The following STRIP1 variants were observed in gnomAD, a reference collection of about 807,000 sequenced individuals.
STRIP1 encodes the protein striatin interacting protein 1.
In STRIP1, 63 loss-of-function variants were observed where a neutral mutation model predicts 106.2. The observed-to-expected ratio is 0.59, with a 90% CI of 0.48 to 0.73. The LOEUF (loss-of-function observed/expected upper bound fraction) is 0.73, where lower values mean the gene tolerates loss of function less well. Among genes scored for constraint, STRIP1 ranks in the 30% least tolerant of loss-of-function variants. The pLI is 0.00. For synonymous variants in STRIP1, 390 were observed against 413.0 expected (o/e 0.94, Z 0.67); for missense variants, 857 against 1,074.8 (o/e 0.80, Z 2.83).
In STRIP1 at chr1:110,049,218, A is replaced by C; in HGVS notation, c.1768A>C (p.Lys590Gln). The change falls in exon 16 of 21, where the codon AAG (lysine) becomes CAG (glutamine). Residue 590 changes from lysine to glutamine, a missense_variant. Coordinates refer to ENST00000369795, the MANE Select transcript of STRIP1 (RefSeq NM_033088.4). Reference sequence around the variant, plus strand: ...CCTGCTGCTGCTGCTCAAGCACTTTAAGTTGAACCATGTCTACCAGGTACC... The same window carrying C: ...CCTGCTGCTGCTGCTCAAGCACTTTCAGTTGAACCATGTCTACCAGGTACC... ...AVLLLLLKHFKLNHVYQFEYM... is the reference protein window; with the variant it reads ...AVLLLLLKHFQLNHVYQFEYM... The C allele has an allele frequency of 6.2e-7, 1 of 1,614,122 alleles. No individual in the cohort carries two copies. The highest frequency in any genetic ancestry group is 8.5e-7 in the Non-Finnish European group (1 of 1,180,018).
chr1:110,035,409 C>T (rs1047167042), intron 1 of STRIP1, among the ~76,000 whole-genome samples: 1 of 152,174 alleles, frequency 6.6e-6, no homozygotes, highest in Non-Finnish European at 1.5e-5. Flanking sequence ...TTAACAGTAC[C>T]TGTGGTGGGC....
chr1:110,050,460 G>T (rs545710448), intron 18 of STRIP1, 51 bp downstream of exon 18: 1 of 1,544,688 alleles, frequency 6.5e-7, no homozygotes, highest in East Asian at 2.3e-5. Context: ...GGGTCAGTGG[G>T]TAGAGAGCCT....
Position 110,047,513 on chromosome 1 carries a change from T to A in STRIP1, c.1489-29T>A, listed in dbSNP as rs200978017. 447 of 1,586,320 alleles carry A rather than the reference T, an allele frequency of 2.8e-4. No homozygotes were observed. In the African/African-American group the frequency reaches 3.2e-3, roughly 11 times the overall value. On this transcript the variant is annotated intron_variant, in intron 13 of 20. Coordinates refer to ENST00000369795, the MANE Select transcript of STRIP1 (RefSeq NM_033088.4). ...CAGGAGATTGTATTCTGGGCTGGGG[T>A]TTTATGCTTGTACTCATTATGTTAA...
rs879804966 is a variant in STRIP1, at chr1:110,041,482, G to A, written c.651-54G>A. 1.2e-4 allele frequency: 155 copies of A among 1,279,434 alleles called. 1 individual carries two copies. The highest frequency in any genetic ancestry group is 1.5e-4 in the Non-Finnish European group (132 of 878,548). 79.3% of individuals were successfully genotyped at this position (1,279,434 alleles called of 1,614,324 possible). A position where few individuals can be genotyped will look rare whatever the true frequency, so the allele number is the denominator to read the frequency against. On this transcript the variant is annotated intron_variant, in intron 6 of 20. Transcript: ENST00000369795. Reference sequence around the variant, plus strand: ...TGTAAGCACTTTGTTAGACACTAGGGTGCTCCTTTGACCCCCCCATCCCAC... The same window carrying A: ...TGTAAGCACTTTGTTAGACACTAGGATGCTCCTTTGACCCCCCCATCCCAC...
At position 110,051,891 on chromosome 1, in the gene STRIP1, A is replaced by G. The variant is rs745954725; in HGVS notation, c.2266+4A>G. On this transcript the variant is annotated splice_donor_region_variant and intron_variant, in intron 20 of 20. Coordinates refer to ENST00000369795, the MANE Select transcript of STRIP1 (RefSeq NM_033088.4). Reference sequence around the variant, plus strand: ...GACGACTGGGCATACGGCAATGGTGAGACTCTGCACTCAGCCAGATTTGGG... The same window carrying G: ...GACGACTGGGCATACGGCAATGGTGGGACTCTGCACTCAGCCAGATTTGGG... The G allele has an allele frequency of 6.2e-7, 1 of 1,611,906 alleles. No homozygotes were observed. The highest frequency in any genetic ancestry group is 1.1e-5 in the South Asian group (1 of 90,988).
At chr1:110,034,868 G>A (rs1201998083) in intron 1 of STRIP1, 51 bp downstream of exon 1, 39 of 1,375,448 alleles carry the variant, frequency 2.8e-5, no homozygotes, top group Non-Finnish European at 3.6e-5. Context: ...GGCGCCGGGG[G>A]TCCCGGGCCC....
intron 19 of STRIP1, among the ~76,000 whole-genome samples, chr1:110,051,443 GCTTT>G (rs1255353853): frequency 6.6e-6 from 1 of 152,170 alleles, no homozygotes; most frequent in Non-Finnish European, 1.5e-5. Flanking sequence ...GGAATCCATA[GCTTT>G]CTTCAGATTC....
chr1:110,043,184 A>G lies in STRIP1; in HGVS notation c.982A>G (p.Ile328Val), dbSNP rs760492305. 3 of 1,614,048 alleles carry G rather than the reference A, an allele frequency of 1.9e-6. No individual in the cohort carries two copies. In the Admixed American group the frequency reaches 5.0e-5, roughly 27 times the overall value. Residue 328 changes from isoleucine (I) to valine (V), a missense_variant, in exon 9 of 21, where the codon ATT becomes GTT. This residue lies in a region of STRIP1 where 750 missense variants were observed against 989.8 expected (regional missense o/e 0.76). Coordinates refer to ENST00000369795, the MANE Select transcript of STRIP1 (RefSeq NM_033088.4). ...GCTTCCTGAGGACAGCATCAAAGTG[A>G]TTCGCAACATGAGAGCAGCCTCTCC... is the stretch of plus-strand genomic sequence containing the variant. ...PPLPEDSIKV[I>V]RNMRAASPPA...
intron 17 of STRIP1, 96 bp downstream of exon 17, chr1:110,049,656 G>C (rs1000182198): frequency 2.4e-6 from 2 of 826,552 alleles, no homozygotes; most frequent in Non-Finnish European, 4.0e-6. Context: ...CAGCACCTAC[G>C]AGCCAGCACT....
In STRIP1 at chr1:110,049,044, T is replaced by C. The variant is rs569094839; in HGVS notation, c.1662-68T>C. ...CCCAGGGAGGCTCCGGAGTCCATCT[T>C]TTCTGTGGGCACCTAGAAATGAGGT... On this transcript the variant is annotated intron_variant, in intron 15 of 20. Transcript: ENST00000369795. 98 of 1,601,110 alleles carry C rather than the reference T, an allele frequency of 6.1e-5. No homozygotes were observed. In the East Asian group the frequency reaches 2.1e-3, roughly 34 times the overall value.
In STRIP1 at chr1:110,043,089, G is replaced by A. The variant is rs778606874; in HGVS notation, c.887G>A (p.Cys296Tyr). Residue 296 changes from cysteine (C) to tyrosine (Y), a missense_variant and splice_region_variant, in exon 9 of 21, where the codon TGC becomes TAC. Physicochemically the swap from Cys to Tyr is radical, Grantham distance 194. Around this residue, in one of 2 missense-constraint regions of STRIP1, gnomAD observed 750 missense variants for 989.8 expected, o/e 0.76. Transcript: ENST00000369795. ...VLLLLWKTVLCTLGGFEELQS... is the reference protein window; with the variant it reads ...VLLLLWKTVLYTLGGFEELQS... ...TCTGCTTCCCTGTCTGTGATGCAGT[G>A]CACGCTAGGCGGCTTTGAGGAGCTG... 2 of 1,609,942 alleles carry A rather than the reference G, an allele frequency of 1.2e-6. No individual in the cohort carries two copies. Among genetic ancestry groups the A allele is most frequent in the East Asian group, 2.2e-5 (1 of 44,782 alleles).
At chr1:110,050,549 T>C (rs1653246473) in intron 18 of STRIP1, 140 bp downstream of exon 18, 1 of 800,508 alleles carries the variant, frequency 1.2e-6, no homozygotes, top group East Asian at 2.7e-5. Flanking sequence ...TAAAGCACTG[T>C]AAGTGTACAG....
In STRIP1 at chr1:110,047,467, C is replaced by T; in HGVS notation, c.1489-75C>T. ...ACATCACTGTTTACAGGTTTTCCTC[C>T]AGCCAGCTAGGAAGCTGGCTCAGGA... On this transcript the variant is annotated intron_variant, in intron 13 of 20. Transcript: ENST00000369795. 1.9e-5 allele frequency: 24 copies of T among 1,231,070 alleles called. 1 individual carries two copies. The South Asian group carries it at 3.1e-4, about 16-fold the overall frequency. The allele number at this position is 1,231,070 out of a possible 1,614,324, so 76.3% of individuals were successfully genotyped here. A position where few individuals can be genotyped will look rare whatever the true frequency, so the allele number is the denominator to read the frequency against.
Position 110,049,186 on chromosome 1 carries a change from C to G in STRIP1, c.1736C>G (p.Ser579Cys). The G allele has an allele frequency of 1.2e-6, 2 of 1,614,224 alleles. No individual in the cohort carries two copies. Among genetic ancestry groups the G allele is most frequent in the Middle Eastern group, 1.6e-4 (1 of 6,062 alleles). ...AAAGAGGTCATTGTTAAGGCCATTT[C>G]TGCTGTCCTGCTGCTGCTGCTCAAG... Reference protein sequence around the residue: ...RHKEVIVKAISAVLLLLLKHF... With the variant: ...RHKEVIVKAICAVLLLLLKHF... The change falls in exon 16 of 21, where the codon TCT (serine) becomes TGT (cysteine). Residue 579 changes from serine (S) to cysteine (C), a missense_variant. Ser to Cys is a moderately radical substitution (Grantham distance 112). Around this residue, in one of 2 missense-constraint regions of STRIP1, gnomAD observed 750 missense variants for 989.8 expected, o/e 0.76. Coordinates refer to ENST00000369795, the MANE Select transcript of STRIP1 (RefSeq NM_033088.4).
upstream of STRIP1, chr1:110,034,512 A>C: frequency 8.3e-7 from 1 of 1,201,176 alleles, no homozygotes; most frequent in Non-Finnish European, 1.1e-6. Flanking sequence ...TGGTCAGCCA[A>C]GATGGCTTCT....
intron 15 of STRIP1, among the ~76,000 whole-genome samples, chr1:110,048,772 C>G (rs1043558625): frequency 6.6e-6 from 1 of 152,168 alleles, no homozygotes; most frequent in Admixed American, 6.5e-5. Flanking sequence ...TGCCAATATC[C>G]TGGTATTCCA....
At chr1:110,036,727 A>G (rs1165945561) in intron 1 of STRIP1, among the ~76,000 whole-genome samples, 2 of 152,252 alleles carry the variant, frequency 1.3e-5, no homozygotes, top group African/African-American at 2.4e-5. Flanking sequence ...TTGCCATTCA[A>G]TGAATGAAGA....
chr1:110,039,613 G>C, intron 5 of STRIP1, 98 bp downstream of exon 5: 3 of 1,395,950 alleles, frequency 2.1e-6, no homozygotes, highest in Non-Finnish European at 2.9e-6. Context: ...GTTAAATGGG[G>C]CAGAAGTTCT....
chr1:110,042,994 A>G, intron 8 of STRIP1, 94 bp from the exon 9 acceptor site: 3 of 1,255,874 alleles, frequency 2.4e-6, no homozygotes, highest in Non-Finnish European at 2.2e-6. Flanking sequence ...GACATGGGTC[A>G]TGATGTCATG....
Sources: gnomAD v4.1 joint callset for allele counts (sites outside exome capture counted in the v4.1 genomes callset) on GRCh38, gnomAD v4.1.1 for gene constraint, gnomAD v4.1.1 regional missense constraint, MANE v1.5 for transcripts, NCBI Gene and HGNC (gene_info 2026-07-23, HGNC 2026-07-21) for gene names.